The following RNF111 variants were observed in gnomAD, a reference collection of about 807,000 sequenced individuals.
RNF111 encodes E3 ubiquitin-protein ligase Arkadia.
In RNF111, 17 loss-of-function variants were observed where a neutral mutation model predicts 95.1. That is an observed-to-expected ratio of 0.18 (90% CI 0.12 to 0.27). The LOEUF (loss-of-function observed/expected upper bound fraction) is 0.27. Among genes scored for constraint, RNF111 ranks in the 10% least tolerant of loss-of-function variants. The pLI, the probability that RNF111 is intolerant of heterozygous loss-of-function variation, is 1.00. For missense variants in RNF111, 1,189 were observed against 1,210.4 expected (o/e 0.98, Z 0.26); for synonymous variants, 440 against 414.8 (o/e 1.06, Z -0.74).
chr15:59,069,268 A>T (rs2042806437), intron 6 of RNF111, among the ~76,000 whole-genome samples: 2 of 152,056 alleles, frequency 1.3e-5, no homozygotes, highest in South Asian at 4.2e-4. Flanking sequence ...ATCAAGAAGA[A>T]TTTTCCAGTG....
intron 6 of RNF111, among the ~76,000 whole-genome samples, chr15:59,073,965 T>C (rs1305769255): frequency 6.6e-6 from 1 of 152,250 alleles, no homozygotes; most frequent in African/African-American, 2.4e-5. Flanking sequence ...CAGAGCTCTT[T>C]GGTGACTATG....
At chr15:59,071,781 A>T (rs1305856223) in intron 6 of RNF111, among the ~76,000 whole-genome samples, 1 of 152,110 alleles carries the variant, frequency 6.6e-6, no homozygotes, top group Non-Finnish European at 1.5e-5. Context: ...AACTTAGTTG[A>T]TGGGCTTTCC....
chr15:58,995,954 G>A (rs1026474804), intron 1 of RNF111, among the ~76,000 whole-genome samples: 2 of 151,536 alleles, frequency 1.3e-5, no homozygotes, highest in African/African-American at 4.9e-5. Flanking sequence ...TTTTTTTCAT[G>A]CATCAGGACA....
chr15:59,090,418 T>G lies in RNF111; in HGVS notation c.2644-641T>G, dbSNP rs550094329. Among the ~76,000 whole-genome samples, 9 of 152,114 alleles carry G rather than the reference T, an allele frequency of 5.9e-5. No homozygotes were observed. In the East Asian group the frequency reaches 1.7e-3, roughly 29 times the overall value. Reference sequence around the variant, plus strand: ...CTAATTTTTGTATTTTTAGTAGAGATAGTGTTTTGCCATGTTGGCCAGGCT... The same window carrying G: ...CTAATTTTTGTATTTTTAGTAGAGAGAGTGTTTTGCCATGTTGGCCAGGCT... On this transcript the variant is annotated intron_variant, in intron 11 of 13. Transcript: ENST00000348370.
chr15:59,010,441 G>A (rs1191895986), intron 1 of RNF111, among the ~76,000 whole-genome samples: 3 of 151,468 alleles, frequency 2.0e-5, no homozygotes, highest in East Asian at 1.9e-4. Context: ...TCACTCTGTC[G>A]CCCAGGCTGG....
intron 2 of RNF111, among the ~76,000 whole-genome samples, chr15:59,047,620 G>A (rs1311731222): frequency 6.6e-6 from 1 of 152,106 alleles, no homozygotes; most frequent in Non-Finnish European, 1.5e-5. Context: ...CTGTTGCCCA[G>A]GCTGGAGTGC....
In RNF111 at chr15:59,031,587, T is replaced by C. The variant is rs748159731; in HGVS notation, c.765T>C (p.Ser255=). The change falls in exon 2 of 14, where the codon AGT becomes AGC. Residue 255 remains serine, a synonymous_variant. Transcript: ENST00000348370. ...RKYALLPSSS[S]SSENDLSSES... is the part of the protein sequence containing the mutation. ...ATGCCTTGCTACCTAGTTCTAGTAG[T>C]TCCAGTGAGAATGACCTCAGCAGTG... 1 of 1,614,102 alleles carries C rather than the reference T, an allele frequency of 6.2e-7. No homozygotes were observed. The highest frequency in any genetic ancestry group is 1.1e-5 in the South Asian group (1 of 91,088).
chr15:59,093,273 T>A (rs375588442), intron 13 of RNF111: 1 of 354,190 alleles, frequency 2.8e-6, no homozygotes, highest in South Asian at 2.2e-5. Flanking sequence ...TAGAAAGTTA[T>A]AATGTGTTCT....
At chr15:59,013,313 A>C (rs74017340) in intron 1 of RNF111, among the ~76,000 whole-genome samples, 2 of 152,256 alleles carry the variant, frequency 1.3e-5, no homozygotes, top group African/African-American at 4.8e-5. Flanking sequence ...TGTCATGACT[A>C]AGAGACCCAC....
chr15:59,081,031 G>A lies in RNF111; in HGVS notation c.2044G>A (p.Asp682Asn), dbSNP rs534665121. The A allele has an allele frequency of 2.4e-5, 39 of 1,614,068 alleles. No homozygotes were observed. In the South Asian group the frequency reaches 3.5e-4, roughly 15 times the overall value. Residue 682 changes from aspartate (D) to asparagine (N), a missense_variant, in exon 8 of 14, where the codon GAT (aspartate) becomes AAT (asparagine). This residue lies in a region of RNF111 where 1,024 missense variants were observed against 925.9 expected (regional missense o/e 1.11). Transcript: ENST00000348370. ...PPQTQPPPQVDYVIPHPVHAF... is the reference protein window; with the variant it reads ...PPQTQPPPQVNYVIPHPVHAF... ...TCAGACTCAGCCTCCGCCTCAAGTG[G>A]ATTATGTTATTCCTCATCCTGTACA...
intron 5 of RNF111, among the ~76,000 whole-genome samples, chr15:59,062,453 T>C (rs1292088740): frequency 2.0e-5 from 3 of 152,190 alleles, no homozygotes; most frequent in African/African-American, 7.2e-5. Context: ...GACCTCTCCA[T>C]GTGGTCCTTG....
chr15:59,029,990 T>C (rs1299168974), intron 1 of RNF111, among the ~76,000 whole-genome samples: 8 of 152,254 alleles, frequency 5.3e-5, no homozygotes, highest in African/African-American at 1.9e-4. Context: ...TTTTGAGTCA[T>C]GATATTTACT....
intron 6 of RNF111, among the ~76,000 whole-genome samples, chr15:59,070,548 T>C (rs1250256077): frequency 2.0e-5 from 3 of 152,198 alleles, no homozygotes; most frequent in Non-Finnish European, 4.4e-5. Flanking sequence ...TTAAACCGTA[T>C]TTACCTGCAT....
intron 5 of RNF111, among the ~76,000 whole-genome samples, chr15:59,062,587 G>A (rs2042487816): frequency 6.6e-6 from 1 of 152,184 alleles, no homozygotes; most frequent in African/African-American, 2.4e-5. Context: ...TTCTAACAGA[G>A]CTTACCCTCT....
At chr15:59,039,996 T>A (rs1340859881) in intron 2 of RNF111, among the ~76,000 whole-genome samples, 2 of 152,120 alleles carry the variant, frequency 1.3e-5, no homozygotes, top group Non-Finnish European at 2.9e-5. Flanking sequence ...ATTACAGGTG[T>A]GAGCCACTGC....
intron 2 of RNF111, among the ~76,000 whole-genome samples, chr15:59,041,250 G>A (rs1418136308): frequency 1.3e-5 from 2 of 151,932 alleles, no homozygotes; most frequent in African/African-American, 4.8e-5. Flanking sequence ...ATTTTAAATA[G>A]CACTGCAATA....
At chr15:59,017,344 A>G (rs1205547646) in intron 1 of RNF111, among the ~76,000 whole-genome samples, 1 of 152,220 alleles carries the variant, frequency 6.6e-6, no homozygotes, top group African/African-American at 2.4e-5. Flanking sequence ...AAGCCATTTA[A>G]TAGCATTGAC....
intron 2 of RNF111, among the ~76,000 whole-genome samples, chr15:59,033,305 T>C (rs888919810): frequency 3.9e-5 from 6 of 152,230 alleles, no homozygotes; most frequent in Admixed American, 3.3e-4. Flanking sequence ...TCCTTTTTCA[T>C]CTGTATTTTT....
At chr15:59,010,130 A>G (rs1227650771) in intron 1 of RNF111, among the ~76,000 whole-genome samples, 8 of 152,210 alleles carry the variant, frequency 5.3e-5, no homozygotes, top group African/African-American at 1.9e-4. Flanking sequence ...ATTTTGGAAT[A>G]CATGTTATCG....
Sources: allele counts gnomAD v4.1 joint callset (sites outside exome capture counted in the v4.1 genomes callset), GRCh38; gene constraint gnomAD v4.1.1; regional missense constraint gnomAD v4.1.1; transcripts MANE v1.5; gene names NCBI Gene and HGNC (gene_info 2026-07-23, HGNC 2026-07-21).